SLC35E1: variants seen among roughly 807,000 people sequenced by gnomAD.
The protein encoded by SLC35E1 is solute carrier family 35, member E1.
In SLC35E1, 12 loss-of-function variants were observed where a neutral mutation model predicts 31.0. The observed-to-expected ratio is 0.39, with a 90% confidence interval of 0.25 to 0.63. The LOEUF (loss-of-function observed/expected upper bound fraction) is 0.63. Ranked by LOEUF, SLC35E1 falls within the 20% of genes least tolerant of loss-of-function variation. The probability of loss-of-function intolerance (pLI) is 0.52; values close to 1 mark genes in which losing one functional copy is unlikely to be tolerated. For missense variants in SLC35E1, 429 were observed against 572.2 expected (o/e 0.75, Z 2.55); for synonymous variants, 257 against 264.1 (o/e 0.97, Z 0.26).
intron 1 of SLC35E1, 32 bp downstream of exon 1, chr19:16,571,912 C>G: frequency 6.6e-7 from 1 of 1,524,302 alleles, no homozygotes; most frequent in African/African-American, 1.4e-5. Flanking sequence ...GCGGGCCCGG[C>G]CGCCGCCCCC....
chr19:16,560,213 T>C (rs1033857058), intron 4 of SLC35E1, among the ~76,000 whole-genome samples: 2 of 152,186 alleles, frequency 1.3e-5, no homozygotes, highest in African/African-American at 4.8e-5. Context: ...TGGGCGACTT[T>C]ATGAGGTCGC....
chr19:16,571,711 C>G, intron 1 of SLC35E1, 129 bp from the exon 2 acceptor site: 1 of 1,037,132 alleles, frequency 9.6e-7, no homozygotes, highest in Non-Finnish European at 1.4e-6. Flanking sequence ...TTCGGTAGGG[C>G]TTCCTCCTGC....
At chr19:16,556,053 T>A (rs2085873632) in intron 4 of SLC35E1, among the ~76,000 whole-genome samples, 3 of 151,864 alleles carry the variant, frequency 2.0e-5, no homozygotes, top group Admixed American at 6.6e-5. Flanking sequence ...GTGTCTCTAT[T>A]AAAAATACAA....
At chr19:16,565,759 GCCCGCCTTGGCCT>G (rs1184802582) in intron 4 of SLC35E1, 1 of 140,420 alleles carries the variant, frequency 7.1e-6, no homozygotes, top group Non-Finnish European at 1.5e-5. Context: ...CTCGTGATCC[GCCCGCCTTGGCCT>G]CCCAGAGTGC....
At position 16,551,647 on chromosome 19, in the gene SLC35E1, T is replaced by C. The variant is rs1455417611; in HGVS notation, c.*2032A>G. ...CCTCCGTGAGGGCACGGTCCTTTCA[T>C]GAAGCCGTAAAAGAGACCACAGCTC... On this transcript the variant is annotated 3_prime_UTR_variant, in exon 6 of 6. Coordinates refer to ENST00000595753, the MANE Select transcript of SLC35E1 (RefSeq NM_024881.5). 6.6e-6 allele frequency: 1 copy of C among 151,902 alleles called. No homozygotes were observed. The highest frequency in any genetic ancestry group is 1.5e-5 in the Non-Finnish European group (1 of 68,000). 9.4% of individuals were successfully genotyped at this position (151,902 alleles called of 1,614,324 possible). A position where few individuals can be genotyped will look rare whatever the true frequency, so the allele number is the denominator to read the frequency against.
intron 4 of SLC35E1, among the ~76,000 whole-genome samples, chr19:16,556,583 A>G (rs768640076): frequency 8.5e-5 from 13 of 152,330 alleles, no homozygotes; most frequent in Non-Finnish European, 1.8e-4. Context: ...TCCAGAAATT[A>G]AGAAATCACA....
rs1414175455 is a variant in SLC35E1, at chr19:16,555,651, C to T, written c.757-254G>A. The T allele has an allele frequency of 6.2e-6, 3 of 484,512 alleles. No individual in the cohort carries two copies. Among genetic ancestry groups the T allele is most frequent in the Admixed American group, 7.1e-5 (2 of 28,102 alleles). 30.0% of individuals were successfully genotyped at this position (484,512 alleles called of 1,614,324 possible). On this transcript the variant is annotated intron_variant, in intron 4 of 5. Coordinates refer to ENST00000595753, the MANE Select transcript of SLC35E1 (RefSeq NM_024881.5). This position sits in a 1 kb window ranked among gnomAD's most constrained non-coding sequence, Gnocchi z 4.1. Reference sequence around the variant, plus strand: ...CCAAGGAAACAGGTGAAGCCAGGTCCCCAAAGGGCACCAAGCAAGACGTAA... The same window carrying T: ...CCAAGGAAACAGGTGAAGCCAGGTCTCCAAAGGGCACCAAGCAAGACGTAA...
At chr19:16,554,094 G>A (rs1206468030) in intron 5 of SLC35E1, among the ~76,000 whole-genome samples, 185 bp from the exon 6 acceptor site, 4 of 150,388 alleles carry the variant, frequency 2.7e-5, no homozygotes, top group East Asian at 2.0e-4. Context: ...GCAAAACCCC[G>A]TCTCTACTAA....
At chr19:16,571,614 T>C in intron 1 of SLC35E1, 32 bp from the exon 2 acceptor site, 3 of 1,611,508 alleles carry the variant, frequency 1.9e-6, no homozygotes, top group South Asian at 1.1e-5. Context: ...CTCAGGGGGC[T>C]GCCTGAATTT....
At chr19:16,571,909 C>G (rs910681398) in intron 1 of SLC35E1, 35 bp downstream of exon 1, 24 of 1,525,220 alleles carry the variant, frequency 1.6e-5, no homozygotes, top group East Asian at 2.5e-5. Flanking sequence ...GCGGCGGGCC[C>G]GGCCGCCGCC....
chr19:16,571,011 C>T (rs12459373), intron 2 of SLC35E1, among the ~76,000 whole-genome samples: 5,724 of 151,258 alleles, frequency 0.038, 248 homozygotes, highest in African/African-American at 0.09. Context: ...GGCAGGAGAA[C>T]TGCTTGAACC....
chr19:16,571,641 C>T, intron 1 of SLC35E1, 59 bp from the exon 2 acceptor site: 1 of 1,577,198 alleles, frequency 6.3e-7, no homozygotes, highest in Non-Finnish European at 8.7e-7. Context: ...CCAACCTGTT[C>T]CACCTCCACG....
chr19:16,564,926 A>G, intron 4 of SLC35E1: 1 of 324,850 alleles, frequency 3.1e-6, no homozygotes, highest in South Asian at 2.4e-5. Context: ...TGGTTTACTG[A>G]TTGGGAAAAT....
chr19:16,571,882 A>T (rs986415456), intron 1 of SLC35E1, 62 bp downstream of exon 1: 15 of 1,482,576 alleles, frequency 1.0e-5, no homozygotes, highest in Non-Finnish European at 1.2e-5. Context: ...ACTCCTATCC[A>T]TGCGCCCAAA....
At chr19:16,556,895 T>C (rs1170149063) in intron 4 of SLC35E1, 4 of 471,466 alleles carry the variant, frequency 8.5e-6, no homozygotes, top group African/African-American at 8.0e-5. Flanking sequence ...AACTCAAGAC[T>C]GGAACTCCCA....
chr19:16,553,939 A>G, intron 5 of SLC35E1, 30 bp from the exon 6 acceptor site: 24 of 1,553,884 alleles, frequency 1.5e-5, no homozygotes, highest in Non-Finnish European at 2.1e-5. Context: ...ATGAGACAGG[A>G]CATGCCCGGG....
In SLC35E1 at chr19:16,570,904, C is replaced by G. The variant is rs1341498711; in HGVS notation, c.492+608G>C. Among the ~76,000 whole-genome samples the G allele has an allele frequency of 1.3e-5, 2 of 152,016 alleles. 1 individual carries two copies. The highest frequency in any genetic ancestry group is 2.9e-5 in the Non-Finnish European group (2 of 67,994). ...TTGAGGTCAGGAGTTTGAGACCAGC[C>G]TGGCAACATGGTGAAACCCTGTCTC... is the stretch of plus-strand genomic sequence containing the variant. On this transcript the variant is annotated intron_variant, in intron 2 of 5. Coordinates refer to ENST00000595753, the MANE Select transcript of SLC35E1 (RefSeq NM_024881.5).
intron 4 of SLC35E1, among the ~76,000 whole-genome samples, chr19:16,557,900 G>A (rs1307038118): frequency 3.9e-5 from 6 of 152,004 alleles, no homozygotes; most frequent in African/African-American, 1.4e-4. Context: ...AGTAAGCTCC[G>A]CCTCCTGGGT....
rs963832174 is a variant in SLC35E1, at chr19:16,552,225, A to G, written c.*1454T>C. On this transcript the variant is annotated 3_prime_UTR_variant, in exon 6 of 6. Coordinates refer to ENST00000595753, the MANE Select transcript of SLC35E1 (RefSeq NM_024881.5). Reference sequence around the variant, plus strand: ...AATATTGAGATAATGTTCACGATTCATTCTGTTTTCAGCAATTGTGACAAT... The same window carrying G: ...AATATTGAGATAATGTTCACGATTCGTTCTGTTTTCAGCAATTGTGACAAT... 1 of 152,096 alleles carries G rather than the reference A, an allele frequency of 6.6e-6. No homozygotes were observed. The highest frequency in any genetic ancestry group is 1.5e-5 in the Non-Finnish European group (1 of 68,034). 9.4% of individuals were successfully genotyped at this position (152,096 alleles called of 1,614,324 possible).
Sources: gnomAD v4.1 joint callset for allele counts (sites outside exome capture counted in the v4.1 genomes callset) on GRCh38, gnomAD v4.1.1 for gene constraint, Gnocchi (gnomAD v3.1) non-coding constraint, MANE v1.5 for transcripts, NCBI Gene and HGNC (gene_info 2026-07-23, HGNC 2026-07-21) for gene names.